Variants in PATJ observed in about 807,000 individuals in gnomAD.
The protein encoded by PATJ is PATJ crumbs cell polarity complex component.
In PATJ, 190 loss-of-function variants were observed where a neutral mutation model predicts 224.9. The observed-to-expected ratio is 0.84, with a 90% confidence interval of 0.75 to 0.95. The LOEUF (loss-of-function observed/expected upper bound fraction) is 0.95, where lower values mean the gene tolerates loss of function less well. PATJ is among the 40% of genes least tolerant of loss of function. The pLI is 0.00. For synonymous variants in PATJ, 769 were observed against 820.3 expected, an observed-to-expected ratio of 0.94 and a Z score of 1.07; for missense variants, 2,121 against 2,270.3, an observed-to-expected ratio of 0.93 and a Z score of 1.34.
intron 20 of PATJ, among the ~76,000 whole-genome samples, chr1:61,872,758 C>A (rs1421235867): frequency 6.6e-6 from 1 of 152,182 alleles, no homozygotes; most frequent in Non-Finnish European, 1.5e-5. Context: ...CTCGGAGGCC[C>A]ACTCAGTCCT....
intron 1 of PATJ, among the ~76,000 whole-genome samples, chr1:61,743,205 G>A (rs1483312938): frequency 6.6e-6 from 1 of 152,238 alleles, no homozygotes; most frequent in African/African-American, 2.4e-5. Flanking sequence ...CGTAGATGGG[G>A]AGGTTCTGTC....
intron 31 of PATJ, among the ~76,000 whole-genome samples, chr1:62,067,123 C>CTTTTTTTTTTTTTTTTTTTTTTT (rs11381578): frequency 3.1e-4 from 36 of 116,470 alleles, no homozygotes; most frequent in Middle Eastern, 4.2e-3. Context: ...CCTATTCTTT[C>CTTTTTTTTTTTTTTTTTTTTTTT]TTTTTTTTTT....
intron 9 of PATJ, among the ~76,000 whole-genome samples, chr1:61,795,049 T>C (rs886980334): frequency 1.4e-5 from 2 of 141,360 alleles, no homozygotes; most frequent in Admixed American, 1.6e-4. Context: ...ACATGAGCAG[T>C]GATCTAAATA....
At chr1:62,090,128 G>T (rs1302362800) in intron 33 of PATJ, among the ~76,000 whole-genome samples, 1 of 152,140 alleles carries the variant, frequency 6.6e-6, no homozygotes, top group Non-Finnish European at 1.5e-5. Context: ...ATCTCACTTA[G>T]CATCCCATTG....
chr1:61,996,579 A>G (rs900464846), intron 28 of PATJ, among the ~76,000 whole-genome samples: 1 of 152,124 alleles, frequency 6.6e-6, no homozygotes, highest in Admixed American at 6.6e-5. Context: ...TGTGTTTCTT[A>G]ATGAAATAAC....
At chr1:61,813,378 T>C (rs61770139) in intron 14 of PATJ, among the ~76,000 whole-genome samples, 2,202 of 45,950 alleles carry the variant, frequency 0.048, 176 homozygotes, top group African/African-American at 0.14. Context: ...TATATATATA[T>C]ACACACACAC....
chr1:61,907,537 T>A (rs575150691), intron 24 of PATJ, among the ~76,000 whole-genome samples: 1 of 152,206 alleles, frequency 6.6e-6, no homozygotes, highest in African/African-American at 2.4e-5. Flanking sequence ...TCCATTTTTT[T>A]CTCTGCACTG....
chr1:61,988,593 C>CATT (rs1470322478), intron 27 of PATJ, among the ~76,000 whole-genome samples: 1 of 152,052 alleles, frequency 6.6e-6, no homozygotes, highest in African/African-American at 2.4e-5. Flanking sequence ...TAAATGTGTT[C>CATT]ATTATTATTA....
At chr1:61,927,371 GTCTT>G (rs1285533637) in intron 26 of PATJ, among the ~76,000 whole-genome samples, 1 of 152,078 alleles carries the variant, frequency 6.6e-6, no homozygotes, top group Non-Finnish European at 1.5e-5. Context: ...TTTTAGAAAT[GTCTT>G]TCATTTGAAT....
At chr1:61,759,970 CA>C (rs1645872688) in intron 1 of PATJ, among the ~76,000 whole-genome samples, 1 of 151,650 alleles carries the variant, frequency 6.6e-6, no homozygotes, top group Non-Finnish European at 1.5e-5. Context: ...TGAGATTTGG[CA>C]GTAAAAAAAT....
At chr1:61,777,724 TTTTAGCATAG>T (rs1647009931) in intron 7 of PATJ, among the ~76,000 whole-genome samples, 1 of 106,012 alleles carries the variant, frequency 9.4e-6, no homozygotes, top group Admixed American at 1.1e-4. Flanking sequence ...TTTTTTTTTT[TTTTAGCATAG>T]TCTTGCTCTT....
Position 62,161,883 on chromosome 1 carries a change from TCC to T in PATJ, c.*832_*833del, listed in dbSNP as rs1558255977. On this transcript the variant is annotated 3_prime_UTR_variant, in exon 44 of 44. Transcript: ENST00000642238. Reference sequence around the variant, plus strand: ...AGCAGTGTAATTAATTTACCAGTGATCCCCAAGATGAAATACCAGATTCTCCT... The same window carrying T: ...AGCAGTGTAATTAATTTACCAGTGATCCAAGATGAAATACCAGATTCTCCT... The T allele has an allele frequency of 1.3e-5, 2 of 152,194 alleles. No homozygotes were observed. Among genetic ancestry groups the T allele is most frequent in the Non-Finnish European group, 2.9e-5 (2 of 68,038 alleles). 9.4% of individuals were successfully genotyped at this position (152,194 alleles called of 1,614,324 possible).
chr1:61,991,343 AT>A (rs993917193), intron 28 of PATJ: 3 of 218,332 alleles, frequency 1.4e-5, no homozygotes, highest in African/African-American at 2.3e-5. Flanking sequence ...TTTGTAAACC[AT>A]TGTGCTTTAA....
intron 1 of PATJ, among the ~76,000 whole-genome samples, chr1:61,756,563 C>CTTTTTTTTTTTTTT (rs370667808): frequency 1.5e-5 from 1 of 65,624 alleles, no homozygotes; most frequent in Non-Finnish European, 2.7e-5. Flanking sequence ...AACCAGGACA[C>CTTTTTTTTTTTTTT]TTTTTTTTTT....
intron 28 of PATJ, among the ~76,000 whole-genome samples, chr1:61,995,888 A>G (rs1645323849): frequency 6.6e-6 from 1 of 152,194 alleles, no homozygotes; most frequent in Non-Finnish European, 1.5e-5. Flanking sequence ...TTCAGTGCCA[A>G]TGTAGGAAAA....
intron 23 of PATJ, among the ~76,000 whole-genome samples, chr1:61,900,738 C>A (rs867336764): frequency 6.6e-6 from 1 of 152,034 alleles, no homozygotes; most frequent in Non-Finnish European, 1.5e-5. Flanking sequence ...TACAGGCGCC[C>A]GCCACTACGC....
Position 61,805,414 on chromosome 1 carries a change from T to A in PATJ, c.1550-34T>A, listed in dbSNP as rs1035187690. ...GTTTGGCTCACAGTAGTTTCAACAT[T>A]CTCTCGCTCTCTCTCTTTTTTTTTA... On this transcript the variant is annotated intron_variant, in intron 12 of 43. Transcript: ENST00000642238. 3 of 1,379,268 alleles carry A rather than the reference T, an allele frequency of 2.2e-6. No homozygotes were observed. The African/African-American group carries it at 4.3e-5, about 20-fold the overall frequency. The allele number at this position is 1,379,268 out of a possible 1,614,324, so 85.4% of individuals were successfully genotyped here.
intron 41 of PATJ, among the ~76,000 whole-genome samples, chr1:62,135,342 AC>A (rs200056282): frequency 6.6e-6 from 1 of 151,434 alleles, no homozygotes; most frequent in Non-Finnish European, 1.5e-5. Context: ...ACGTGGTGAA[AC>A]CCCCTCTACT....
intron 11 of PATJ, among the ~76,000 whole-genome samples, chr1:61,799,795 A>T (rs1176129929): frequency 1.3e-5 from 2 of 152,166 alleles, no homozygotes; most frequent in Non-Finnish European, 2.9e-5. Context: ...TAGTGAGAAC[A>T]TGGAGTGTTT....
Sources: gnomAD v4.1 joint callset for allele counts (sites outside exome capture counted in the v4.1 genomes callset) on GRCh38, gnomAD v4.1.1 for gene constraint, MANE v1.5 for transcripts, NCBI Gene and HGNC (gene_info 2026-07-23, HGNC 2026-07-21) for gene names.